The following VCPIP1 variants were observed in gnomAD, a reference collection of about 807,000 sequenced individuals.
VCPIP1 encodes the protein deubiquitinating protein VCPIP1.
VCPIP1 carries 8 observed loss-of-function variants against 85.0 expected under a neutral mutation model. That is an observed-to-expected ratio of 0.09 (90% CI 0.06 to 0.17). VCPIP1 has a LOEUF of 0.17. Ranked by LOEUF, VCPIP1 falls within the 10% of genes least tolerant of loss-of-function variation. The probability of loss-of-function intolerance (pLI) is 1.00; values close to 1 mark genes in which losing one functional copy is unlikely to be tolerated. For synonymous variants in VCPIP1, 543 were observed against 544.5 expected (o/e 1.00, Z 0.04); for missense variants, 1,070 against 1,486.3 (o/e 0.72, Z 4.61).
At chr8:66,662,530 A>C (rs1297694103) in intron 1 of VCPIP1, among the ~76,000 whole-genome samples, 1 of 152,158 alleles carries the variant, frequency 6.6e-6, no homozygotes, top group Non-Finnish European at 1.5e-5. Context: ...TTCAGAGTGC[A>C]TACTACCTGC....
intron 2 of VCPIP1, among the ~76,000 whole-genome samples, chr8:66,646,894 G>A (rs1344493248): frequency 6.6e-6 from 1 of 151,964 alleles, no homozygotes; most frequent in Non-Finnish European, 1.5e-5. Flanking sequence ...GTGTGGTGGT[G>A]TGCACCTGTA....
chr8:66,656,272 G>A (rs569374697), intron 1 of VCPIP1, among the ~76,000 whole-genome samples: 5 of 152,180 alleles, frequency 3.3e-5, no homozygotes, highest in Middle Eastern at 3.4e-3. Context: ...ATGGTTCACC[G>A]CAGCCTTGAT....
intron 1 of VCPIP1, among the ~76,000 whole-genome samples, chr8:66,659,435 G>C (rs1314469482): frequency 6.6e-6 from 1 of 151,900 alleles, no homozygotes; most frequent in Non-Finnish European, 1.5e-5. Context: ...AAATATTATG[G>C]GTAAAATATT....
At position 66,664,875 on chromosome 8, in the gene VCPIP1, G is replaced by A; in HGVS notation, c.2084C>T (p.Thr695Ile). 6.2e-7 allele frequency: 1 copy of A among 1,614,146 alleles called. No homozygotes were observed. Among genetic ancestry groups the A allele is most frequent in the Non-Finnish European group, 8.5e-7 (1 of 1,180,028 alleles). The stretch of plus-strand genomic sequence containing the variant: ...GTGCAAAGTTTTTGTTTTCTGTCCA[G>A]TAAGAATAATTTTAGTTGGGAGCTG... Reference protein sequence around the residue: ...ESQLPTKIILTGQKTKTLHKE... With the variant: ...ESQLPTKIILIGQKTKTLHKE... Residue 695 changes from threonine to isoleucine, a missense_variant, in exon 1 of 3, where the codon ACT becomes ATT. Around this residue, in one of 8 missense-constraint regions of VCPIP1, gnomAD observed 278 missense variants for 298.5 expected, o/e 0.93. Coordinates refer to ENST00000310421, the MANE Select transcript of VCPIP1 (RefSeq NM_025054.5).
In VCPIP1 at chr8:66,667,118, G is replaced by T; in HGVS notation, c.-160C>A. 7.2e-7 allele frequency: 1 copy of T among 1,392,152 alleles called. No homozygotes were observed. Among genetic ancestry groups the T allele is most frequent in the Non-Finnish European group, 9.3e-7 (1 of 1,072,946 alleles). 86.2% of individuals were successfully genotyped at this position (1,392,152 alleles called of 1,614,324 possible). On this transcript the variant is annotated 5_prime_UTR_variant, in exon 1 of 3. Transcript: ENST00000310421. ...CTCCTAAGCGAAGGCGGAAGCGCCG[G>T]ACGTTGTTTCTCTTCTTACTTCTCC...
At chr8:66,661,784 G>C (rs995701688) in intron 1 of VCPIP1, among the ~76,000 whole-genome samples, 11 of 143,550 alleles carry the variant, frequency 7.7e-5, no homozygotes, top group Non-Finnish European at 1.2e-4. Flanking sequence ...TTTTTTTTGA[G>C]ATACAGTCTT....
intron 2 of VCPIP1, among the ~76,000 whole-genome samples, chr8:66,637,785 C>G (rs1406977545): frequency 1.3e-5 from 2 of 151,710 alleles, no homozygotes; most frequent in South Asian, 2.1e-4. Context: ...CTGGCTAGCA[C>G]AGTGAAACCC....
intron 2 of VCPIP1, among the ~76,000 whole-genome samples, chr8:66,646,279 G>C (rs536959555): frequency 6.6e-6 from 1 of 151,788 alleles, no homozygotes; most frequent in African/African-American, 2.4e-5. Flanking sequence ...CACAGTGTTG[G>C]CCAGGCTGGT....
chr8:66,628,807 AG>A lies in VCPIP1; in HGVS notation c.*5693del, dbSNP rs1028249765. The stretch of plus-strand genomic sequence containing the variant: ...TCCCATCAGCACTATGCCCTCTGCA[AG>A]TAAGACTATGACGACAATGGTCGGC... On this transcript the variant is annotated 3_prime_UTR_variant, in exon 3 of 3. Coordinates refer to ENST00000310421, the MANE Select transcript of VCPIP1 (RefSeq NM_025054.5). The A allele has an allele frequency of 6.6e-6, 1 of 152,204 alleles. No individual in the cohort carries two copies. The highest frequency in any genetic ancestry group is 2.4e-5 in the African/African-American group (1 of 41,450). 9.4% of individuals were successfully genotyped at this position (152,204 alleles called of 1,614,324 possible). A position where few individuals can be genotyped will look rare whatever the true frequency, so the allele number is the denominator to read the frequency against.
At chr8:66,660,770 G>A (rs112285716) in intron 1 of VCPIP1, among the ~76,000 whole-genome samples, 6 of 152,020 alleles carry the variant, frequency 3.9e-5, no homozygotes, top group South Asian at 4.2e-4. Flanking sequence ...TCGGCCAGGC[G>A]CAGTGGCTCA....
intron 2 of VCPIP1, among the ~76,000 whole-genome samples, chr8:66,646,669 G>A (rs935945261): frequency 9.9e-5 from 15 of 151,992 alleles, no homozygotes; most frequent in African/African-American, 2.7e-4. Flanking sequence ...GGTGGTGTAC[G>A]CCTGTAATCC....
Position 66,664,297 on chromosome 8 carries a change from G to C in VCPIP1, c.2662C>G (p.Gln888Glu). 1 of 1,599,216 alleles carries C rather than the reference G, an allele frequency of 6.3e-7. No homozygotes were observed. Residue 888 changes from glutamine to glutamate, a missense_variant, in exon 1 of 3, where the codon CAA (glutamine) becomes GAA (glutamate). Gln to Glu is a conservative substitution (Grantham distance 29). Coordinates refer to ENST00000310421, the MANE Select transcript of VCPIP1 (RefSeq NM_025054.5). ...GKLSSKELQE[Q>E]AEKEMYSLCL... is the part of the protein sequence containing the mutation. ...AAGGAGTACATTTCTTTTTCAGCTT[G>C]CTCCTGAAGTTCCTTAGATGACAGT...
At position 66,665,751 on chromosome 8, in the gene VCPIP1, C is replaced by T. The variant is rs762280919; in HGVS notation, c.1208G>A (p.Arg403Lys). ...AAGTAAGTATTTATCTTGCAAACTTCTGTCACCTCCAATAACACAACCACC... is the reference window on the plus strand; with the variant it reads ...AAGTAAGTATTTATCTTGCAAACTTTTGTCACCTCCAATAACACAACCACC... ...EDGGCVIGGD[R>K]SLQDKYLLRL... The change falls in exon 1 of 3, where the codon AGA becomes AAA. Residue 403 changes from arginine (R) to lysine (K), a missense_variant. Arg to Lys is a conservative substitution (Grantham distance 26). Coordinates refer to ENST00000310421, the MANE Select transcript of VCPIP1 (RefSeq NM_025054.5). The surrounding 1 kb of genome is among the most constrained non-coding windows in gnomAD (Gnocchi z 4.3). 1.4e-5 allele frequency: 23 copies of T among 1,614,048 alleles called. No individual in the cohort carries two copies. Among genetic ancestry groups the T allele is most frequent in the Non-Finnish European group, 1.7e-5 (20 of 1,180,042 alleles).
chr8:66,653,734 A>G (rs1168074291), intron 1 of VCPIP1, among the ~76,000 whole-genome samples: 1 of 152,190 alleles, frequency 6.6e-6, no homozygotes, highest in Non-Finnish European at 1.5e-5. Flanking sequence ...AGTGTTTGTC[A>G]ACCTTGTTTT....
intron 2 of VCPIP1, among the ~76,000 whole-genome samples, chr8:66,648,485 T>A (rs1811017600): frequency 6.6e-6 from 1 of 152,158 alleles, no homozygotes; most frequent in Non-Finnish European, 1.5e-5. Context: ...TAATCTGTCA[T>A]CTATCTGATC....
At chr8:66,650,757 T>C (rs185550899) in intron 2 of VCPIP1, among the ~76,000 whole-genome samples, 1 of 144,934 alleles carries the variant, frequency 6.9e-6, no homozygotes, top group East Asian at 2.0e-4. Context: ...ATCATACACA[T>C]GGCCGGGCGT....
chr8:66,644,848 A>G (rs1810979303), intron 2 of VCPIP1, among the ~76,000 whole-genome samples: 1 of 152,076 alleles, frequency 6.6e-6, no homozygotes, highest in South Asian at 2.1e-4. Context: ...CTGTAATCCT[A>G]GCACTTTGGG....
At chr8:66,641,129 G>A (rs1586623023) in intron 2 of VCPIP1, among the ~76,000 whole-genome samples, 1 of 152,284 alleles carries the variant, frequency 6.6e-6, no homozygotes, top group Non-Finnish European at 1.5e-5. Flanking sequence ...TGTATCTGCT[G>A]ACCTGTGTGC....
rs1811188148 is a variant in VCPIP1 at position 66,664,566 on chromosome 8, A to G, written c.2393T>C (p.Phe798Ser). Residue 798 changes from phenylalanine to serine, a missense_variant, in exon 1 of 3, where the codon TTT (phenylalanine) becomes TCT (serine). Transcript: ENST00000310421. Reference protein sequence around the residue: ...MVTLKSSTTFFELQESIAREF... With the variant: ...MVTLKSSTTFSELQESIAREF... ...TCTGGCTATACTTTCCTGAAGTTCA[A>G]AAAAGGTTGTTGAAGACTTAAGGGT... The G allele has an allele frequency of 1.2e-6, 2 of 1,614,192 alleles. No homozygotes were observed. The highest frequency in any genetic ancestry group is 2.7e-5 in the African/African-American group (2 of 75,052).
Sources: allele counts gnomAD v4.1 joint callset (sites outside exome capture counted in the v4.1 genomes callset), GRCh38; gene constraint gnomAD v4.1.1; regional missense constraint gnomAD v4.1.1; non-coding constraint Gnocchi (gnomAD v3.1); transcripts MANE v1.5; gene names NCBI Gene and HGNC (gene_info 2026-07-23, HGNC 2026-07-21).